The following SDK2 variants were observed in gnomAD, a reference collection of about 807,000 sequenced individuals.
SDK2 encodes the protein sidekick cell adhesion molecule 2.
SDK2 carries 105 observed loss-of-function variants against 253.9 expected under a neutral mutation model. The observed-to-expected ratio is 0.41, with a 90% confidence interval of 0.35 to 0.49. The LOEUF is 0.49. SDK2 is among the 20% of genes least tolerant of loss of function. SDK2 has a pLI of 0.06. For synonymous variants in SDK2, 1,249 were observed against 1,234.9 expected, an observed-to-expected ratio of 1.01 and a Z score of -0.24; for missense variants, 2,608 against 3,003.0, an observed-to-expected ratio of 0.87 and a Z score of 3.07.
chr17:73,370,617 G>A (rs1164504601), intron 36 of SDK2, among the ~76,000 whole-genome samples: 1 of 151,996 alleles, frequency 6.6e-6, no homozygotes, highest in African/African-American at 2.4e-5. Flanking sequence ...GGGGTGCAGT[G>A]GCATGATCTT....
At position 73,570,397 on chromosome 17, in the gene SDK2, G is replaced by C. The variant is rs2045368057; in HGVS notation, c.65-62800C>G. 6.6e-6 allele frequency among the ~76,000 whole-genome samples: 1 copy of C among 152,314 alleles called. No homozygotes were observed. The highest frequency in any genetic ancestry group is 1.9e-4 in the East Asian group (1 of 5,178). On this transcript the variant is annotated intron_variant, in intron 1 of 44. Transcript: ENST00000392650. This position sits in a 1 kb window ranked among gnomAD's most constrained non-coding sequence, Gnocchi z 4.2. ...CTCAATAAAGAGCCTCCAGGTGCATGTGAGGGTGGGTGAGGTGGCTCCCAC... is the reference window on the plus strand; with the variant it reads ...CTCAATAAAGAGCCTCCAGGTGCATCTGAGGGTGGGTGAGGTGGCTCCCAC...
intron 43 of SDK2, 75 bp from the exon 44 acceptor site, chr17:73,348,800 G>A (rs1381798718): frequency 2.4e-6 from 3 of 1,251,142 alleles, no homozygotes; most frequent in African/African-American, 2.9e-5. Flanking sequence ...GGAGACCACA[G>A]TGGGGGCCTG....
intron 44 of SDK2, among the ~76,000 whole-genome samples, chr17:73,344,315 C>A (rs574218197): frequency 1.3e-5 from 2 of 152,314 alleles, no homozygotes; most frequent in East Asian, 3.9e-4. Context: ...CACCCACAAC[C>A]GGCTGTCAGA....
chr17:73,406,224 G>A (rs2063077364), intron 18 of SDK2, among the ~76,000 whole-genome samples: 1 of 149,608 alleles, frequency 6.7e-6, no homozygotes, highest in Non-Finnish European at 1.5e-5. Flanking sequence ...GGAATCCATG[G>A]CTAAGAAGGG....
At position 73,618,088 on chromosome 17, in the gene SDK2, G is replaced by C. The variant is rs2046083561; in HGVS notation, c.64+25937C>G. 6.6e-6 allele frequency among the ~76,000 whole-genome samples: 1 copy of C among 152,206 alleles called. No homozygotes were observed. Among genetic ancestry groups the C allele is most frequent in the Non-Finnish European group, 1.5e-5 (1 of 68,042 alleles). On this transcript the variant is annotated intron_variant, in intron 1 of 44. Transcript: ENST00000392650. This position sits in a 1 kb window ranked among gnomAD's most constrained non-coding sequence, Gnocchi z 4.1. ...AGGGAGAGAAGCCTGTTAAAGGGGA[G>C]AGAGGTGCTTAATTTAATACCAGGC...
intron 44 of SDK2, among the ~76,000 whole-genome samples, chr17:73,346,091 A>C (rs1192488858): frequency 6.6e-6 from 1 of 152,118 alleles, no homozygotes; most frequent in Non-Finnish European, 1.5e-5. Context: ...GTGTAATCCC[A>C]GCCACTTGGG....
rs77690040 is a variant in SDK2, at chr17:73,423,459, G to A, written c.1824C>T (p.Ile608=). ...ATLSTVERRA[I]NLTWTKPFDG... is the part of the protein sequence containing the mutation. ...CAAAGGGCTTGGTCCACGTCAGGTT[G>A]ATGGCTCGCCTTTCCACGGTGCTGA... Residue 608 remains isoleucine (I), a synonymous_variant, in exon 14 of 45, where the codon ATC becomes ATT. Coordinates refer to ENST00000392650, the MANE Select transcript of SDK2 (RefSeq NM_001144952.2). The A allele has an allele frequency of 1.5e-3, 2,356 of 1,595,018 alleles. 37 individuals carry two copies. In the African/African-American group the frequency reaches 0.028, roughly 19 times the overall value.
intron 1 of SDK2, among the ~76,000 whole-genome samples, chr17:73,530,469 C>T (rs1720353754): frequency 6.6e-6 from 1 of 152,188 alleles, no homozygotes; most frequent in South Asian, 2.1e-4. Flanking sequence ...CACAAAGTCC[C>T]TCCCTCGACA....
intron 18 of SDK2, among the ~76,000 whole-genome samples, chr17:73,411,109 G>T (rs1318678150): frequency 6.6e-6 from 1 of 151,886 alleles, no homozygotes; most frequent in East Asian, 1.9e-4. Context: ...TTCCGGCAGC[G>T]AGTGCTCCAA....
intron 1 of SDK2, among the ~76,000 whole-genome samples, chr17:73,623,563 C>G (rs2046160925): frequency 6.6e-6 from 1 of 152,150 alleles, no homozygotes; most frequent in Non-Finnish European, 1.5e-5. Context: ...AAGATGGTAC[C>G]CTAACCGAGT....
In SDK2 at chr17:73,352,283, C is replaced by T. The variant is rs1441970995; in HGVS notation, c.5758+190G>A. ...CAAAGATGAAGATCCCTAGTTTCCTCTGGTCTTGAGGGCTGACCCAGGCCT... is the reference window on the plus strand; with the variant it reads ...CAAAGATGAAGATCCCTAGTTTCCTTTGGTCTTGAGGGCTGACCCAGGCCT... On this transcript the variant is annotated intron_variant, in intron 41 of 44. Coordinates refer to ENST00000392650, the MANE Select transcript of SDK2 (RefSeq NM_001144952.2). This position sits in a 1 kb window ranked among gnomAD's most constrained non-coding sequence, Gnocchi z 4.1. Among the ~76,000 whole-genome samples the T allele has an allele frequency of 1.3e-5, 2 of 152,292 alleles. No homozygotes were observed. The highest frequency in any genetic ancestry group is 3.9e-4 in the East Asian group (2 of 5,164).
chr17:73,634,990 A>AT (rs375613000), intron 1 of SDK2, among the ~76,000 whole-genome samples: 2,831 of 143,380 alleles, frequency 0.02, 84 homozygotes, highest in African/African-American at 0.05. Flanking sequence ...TCAGGTTTCT[A>AT]TTTTTTTTTT....
Position 73,363,704 on chromosome 17 carries a change from G to C in SDK2, c.5305+1554C>G, listed in dbSNP as rs543429528. ...GTGTGGAGTTGAGCCACACAGTCCA[G>C]ATCCCACCAGACTGTGGAATTGGAA... On this transcript the variant is annotated intron_variant, in intron 38 of 44. Transcript: ENST00000392650. 4.7e-4 allele frequency among the ~76,000 whole-genome samples: 72 copies of C among 152,232 alleles called. No homozygotes were observed. The South Asian group carries it at 0.015, about 32-fold the overall frequency.
intron 38 of SDK2, among the ~76,000 whole-genome samples, chr17:73,362,952 T>C (rs2062653915): frequency 6.6e-6 from 1 of 152,260 alleles, no homozygotes; most frequent in African/African-American, 2.4e-5. Context: ...GGCCCCGGCA[T>C]GTCCCTTAAC....
chr17:73,524,051 A>T (rs1350930569), intron 1 of SDK2, among the ~76,000 whole-genome samples: 1 of 152,140 alleles, frequency 6.6e-6, no homozygotes, highest in East Asian at 1.9e-4. Context: ...ATCATCCCTT[A>T]CCTGCCCCTG....
chr17:73,403,728 A>G (rs894500900), intron 18 of SDK2, among the ~76,000 whole-genome samples: 1 of 152,340 alleles, frequency 6.6e-6, no homozygotes, highest in East Asian at 1.9e-4. Context: ...GTATTGTGAA[A>G]AGATAGCCTA....
chr17:73,350,700 A>G lies in SDK2; in HGVS notation c.5849T>C (p.Val1950Ala), dbSNP rs2062529817. The change falls in exon 42 of 45, where the codon GTG becomes GCG. Residue 1950 changes from valine (V) to alanine (A), a missense_variant. By Grantham distance (64) the Val-to-Ala change is moderately conservative. Around this residue, in one of 2 missense-constraint regions of SDK2, gnomAD observed 1,103 missense variants for 1,143.9 expected, o/e 0.96. Coordinates refer to ENST00000392650, the MANE Select transcript of SDK2 (RefSeq NM_001144952.2). The stretch of plus-strand genomic sequence containing the variant: ...CTTGCTCTGGCCCCGGATGATGAGC[A>G]CGAAGACCAGAAGCAGGATGAAGAT... ...GLIFILLLVFVLIIRGQSKKY... is the reference protein window; with the variant it reads ...GLIFILLLVFALIIRGQSKKY... 3 of 1,613,774 alleles carry G rather than the reference A, an allele frequency of 1.9e-6. No individual in the cohort carries two copies. Among genetic ancestry groups the G allele is most frequent in the Non-Finnish European group, 2.5e-6 (3 of 1,179,816 alleles).
intron 36 of SDK2, among the ~76,000 whole-genome samples, chr17:73,378,671 C>T (rs964097642): frequency 1.3e-5 from 2 of 151,978 alleles, no homozygotes; most frequent in African/African-American, 4.8e-5. Flanking sequence ...CTGCCCGCCT[C>T]GGCCTCCCAA....
chr17:73,545,127 A>ACACACACACACACAC (rs1555601159), intron 1 of SDK2, among the ~76,000 whole-genome samples: 7 of 151,280 alleles, frequency 4.6e-5, no homozygotes, highest in East Asian at 1.9e-4. Context: ...ACACACACAC[A>ACACACACACACACAC]AAGTGGAGGC....
Sources: allele counts gnomAD v4.1 joint callset (sites outside exome capture counted in the v4.1 genomes callset), GRCh38; gene constraint gnomAD v4.1.1; regional missense constraint gnomAD v4.1.1; non-coding constraint Gnocchi (gnomAD v3.1); transcripts MANE v1.5; gene names NCBI Gene and HGNC (gene_info 2026-07-23, HGNC 2026-07-21).